Variants in KANK1 observed in about 807,000 individuals in gnomAD.
KANK1 encodes the protein KN motif and ankyrin repeat domain-containing protein 1.
A neutral mutation model predicts 106.2 loss-of-function variants in KANK1; 109 were observed. That is an observed-to-expected ratio of 1.03 (90% CI 0.88 to 1.20). The LOEUF (loss-of-function observed/expected upper bound fraction) is 1.20, where lower values mean the gene tolerates loss of function less well. Among genes scored for constraint, KANK1 ranks in the 50% most tolerant of loss-of-function variants. KANK1 has a pLI of 0.00. For synonymous variants in KANK1, 873 were observed against 652.2 expected (o/e 1.34, Z -5.16); for missense variants, 2,399 against 1,710.7 (o/e 1.40, Z -7.10).
chr9:577,558 G>A (rs891241368), intron 1 of KANK1, among the ~76,000 whole-genome samples: 25 of 152,140 alleles, frequency 1.6e-4, no homozygotes, highest in African/African-American at 4.8e-4. Flanking sequence ...AAGCTCAGCC[G>A]GCTTCACCTC....
At chr9:619,934 C>T (rs555643067) in intron 1 of KANK1, among the ~76,000 whole-genome samples, 17 of 151,862 alleles carry the variant, frequency 1.1e-4, no homozygotes, top group African/African-American at 3.1e-4. Context: ...GTCAGGAGTT[C>T]GAGACCAGCC....
At chr9:586,429 G>T (rs1823484445) in intron 1 of KANK1, among the ~76,000 whole-genome samples, 1 of 152,156 alleles carries the variant, frequency 6.6e-6, no homozygotes, top group African/African-American at 2.4e-5. Flanking sequence ...CAAGGAAGTT[G>T]GGTTCAGCAG....
chr9:547,297 A>T (rs538882323), intron 1 of KANK1: 1 of 152,202 alleles, frequency 6.6e-6, no homozygotes, highest in African/African-American at 2.4e-5. Flanking sequence ...CATTTTGTCA[A>T]TGGGGAAGGA....
At chr9:511,141 G>C (rs2059012219) in intron 1 of KANK1, among the ~76,000 whole-genome samples, 1 of 152,204 alleles carries the variant, frequency 6.6e-6, no homozygotes, top group South Asian at 2.1e-4. Flanking sequence ...TTAATGCTGA[G>C]TAGAGAGATC....
intron 1 of KANK1, among the ~76,000 whole-genome samples, chr9:670,362 T>C (rs1198765786): frequency 2.0e-5 from 3 of 152,210 alleles, no homozygotes; most frequent in Non-Finnish European, 4.4e-5. Context: ...TACTGGTATG[T>C]TTGCTTAGAG....
At chr9:692,288 T>C (rs1276039276) in intron 2 of KANK1, among the ~76,000 whole-genome samples, 2 of 152,188 alleles carry the variant, frequency 1.3e-5, no homozygotes, top group Non-Finnish European at 2.9e-5. Context: ...ACACATACTT[T>C]CCTGTGTGAA....
intron 1 of KANK1, among the ~76,000 whole-genome samples, chr9:507,316 C>T (rs1390410731): frequency 6.6e-6 from 1 of 152,070 alleles, no homozygotes; most frequent in East Asian, 1.9e-4. Context: ...GATCATGCCA[C>T]TGCACTCCAG....
intron 1 of KANK1, among the ~76,000 whole-genome samples, chr9:522,473 A>G (rs996821836): frequency 6.6e-6 from 1 of 151,692 alleles, no homozygotes; most frequent in Admixed American, 6.6e-5. Context: ...GCTCTGTGGC[A>G]TACTGGGGGT....
At chr9:637,369 A>AG (rs1837393467) in intron 1 of KANK1, among the ~76,000 whole-genome samples, 1 of 152,218 alleles carries the variant, frequency 6.6e-6, no homozygotes, top group Non-Finnish European at 1.5e-5. Flanking sequence ...GCACTTGTAT[A>AG]GCCCATTTTG....
intron 1 of KANK1, among the ~76,000 whole-genome samples, chr9:675,512 T>C (rs1563969212): frequency 6.6e-6 from 1 of 152,224 alleles, no homozygotes; most frequent in Non-Finnish European, 1.5e-5. Flanking sequence ...TTTTGTATTT[T>C]TTTTTCTTTT....
chr9:636,673 C>G (rs560158177), intron 1 of KANK1, among the ~76,000 whole-genome samples: 2 of 152,304 alleles, frequency 1.3e-5, no homozygotes, highest in East Asian at 3.9e-4. Flanking sequence ...CGAGACCAGT[C>G]TGGCCAACAT....
Position 656,053 on chromosome 9 carries a change from G to A in KANK1, c.-83-20837G>A, listed in dbSNP as rs555124955. Among the ~76,000 whole-genome samples, 11 of 152,292 alleles carry A rather than the reference G, an allele frequency of 7.2e-5. No individual in the cohort carries two copies. The East Asian group carries it at 7.7e-4, about 11-fold the overall frequency. ...AGTAATGCCCCAGAGCCTCGTTGCA[G>A]GAGCTAGTCACTTTTGGCACTTTCT... On this transcript the variant is annotated intron_variant, in intron 1 of 11. Transcript: ENST00000382297.
intron 4 of KANK1, chr9:730,734 T>C (rs781443485): frequency 3.3e-5 from 6 of 181,280 alleles, no homozygotes; most frequent in Non-Finnish European, 5.8e-5. Context: ...TTACCTGATA[T>C]TACAAATTAT....
chr9:493,946 G>A (rs7029262), intron 3 of KANK1, among the ~76,000 whole-genome samples: 2,267 of 151,648 alleles, frequency 0.015, 66 homozygotes, highest in African/African-American at 0.053. Context: ...GCAATGGTGC[G>A]ATCTCGGCTC....
intron 3 of KANK1, among the ~76,000 whole-genome samples, chr9:498,144 G>T (rs2058486964): frequency 6.6e-6 from 1 of 152,182 alleles, no homozygotes; most frequent in Admixed American, 6.5e-5. Context: ...AGAGGCACAG[G>T]TAGGTATTAC....
At chr9:614,681 G>A (rs1302143874) in intron 1 of KANK1, among the ~76,000 whole-genome samples, 1 of 152,142 alleles carries the variant, frequency 6.6e-6, no homozygotes, top group Non-Finnish European at 1.5e-5. Context: ...GCATTTCCGT[G>A]TGCCTCCTGG....
At chr9:515,388 A>G (rs1203270268) in intron 1 of KANK1, among the ~76,000 whole-genome samples, 2 of 150,954 alleles carry the variant, frequency 1.3e-5, no homozygotes, top group African/African-American at 2.5e-5. Flanking sequence ...GAATTCATCT[A>G]GAGACATTGT....
intron 1 of KANK1, among the ~76,000 whole-genome samples, chr9:616,919 T>C (rs1831977298): frequency 6.6e-6 from 1 of 152,310 alleles, no homozygotes; most frequent in Non-Finnish European, 1.5e-5. Flanking sequence ...CAAGTCACAA[T>C]GCCACACCCG....
rs767618077 is a variant in KANK1, at chr9:691,611, ATT to A, written c.37+14620_37+14621del. ...AATAATGTAACTAAATAATACCAGAATTTTTTTTTTTTTTTTTTTGAGACCAG... is the reference window on the plus strand; with the variant it reads ...AATAATGTAACTAAATAATACCAGAATTTTTTTTTTTTTTTTTGAGACCAG... On this transcript the variant is annotated intron_variant, in intron 2 of 11. Transcript: ENST00000382297. Among the ~76,000 whole-genome samples, 167 of 71,054 alleles carry A rather than the reference ATT, an allele frequency of 2.4e-3. 4 individuals carry two copies. Among genetic ancestry groups the A allele is most frequent in the African/African-American group, 7.2e-3 (155 of 21,606 alleles). 46.6% of individuals were successfully genotyped at this position (71,054 alleles called of 152,430 possible).
Sources: gnomAD v4.1 joint callset for allele counts (sites outside exome capture counted in the v4.1 genomes callset) on GRCh38, gnomAD v4.1.1 for gene constraint, MANE v1.5 for transcripts, NCBI Gene and HGNC (gene_info 2026-07-23, HGNC 2026-07-21) for gene names.